The following OSTM1 variants were observed in gnomAD, a reference collection of about 807,000 sequenced individuals.
The protein encoded by OSTM1 is osteopetrosis-associated transmembrane protein 1.
Under a neutral mutation model 35.4 loss-of-function variants are expected in OSTM1, and 26 were observed. The ratio of observed to expected loss-of-function variants is 0.73; its 90% CI spans 0.54 to 1.02. The LOEUF is 1.02. OSTM1 is among the 50% of genes least tolerant of loss of function. OSTM1 has a pLI of 0.00. For missense variants in OSTM1, 366 were observed against 409.6 expected, an observed-to-expected ratio of 0.89 and a Z score of 0.92; for synonymous variants, 181 against 165.0, an observed-to-expected ratio of 1.10 and a Z score of -0.75.
chr6:108,052,770 CA>C (rs1222060124), intron 3 of OSTM1, among the ~76,000 whole-genome samples: 1 of 152,138 alleles, frequency 6.6e-6, no homozygotes, highest in Non-Finnish European at 1.5e-5. Flanking sequence ...TCCTTGTTTC[CA>C]AAGACTTTCT....
chr6:108,046,222 G>A (rs543715591), intron 5 of OSTM1, among the ~76,000 whole-genome samples: 45 of 136,970 alleles, frequency 3.3e-4, no homozygotes, highest in Non-Finnish European at 4.7e-4. Context: ...GGATTTCACC[G>A]TGTTAGCCAG....
At chr6:108,061,922 C>T (rs1415848504) in intron 2 of OSTM1, among the ~76,000 whole-genome samples, 2 of 152,082 alleles carry the variant, frequency 1.3e-5, no homozygotes, top group Non-Finnish European at 2.9e-5. Flanking sequence ...CTACAACATA[C>T]AGTAGTCAAC....
intron 5 of OSTM1, among the ~76,000 whole-genome samples, 185 bp downstream of exon 5, chr6:108,049,068 T>C (rs1397349733): frequency 6.6e-6 from 1 of 152,140 alleles, no homozygotes; most frequent in Admixed American, 6.5e-5. Flanking sequence ...AACTTTTTAT[T>C]GTCCACACTT....
intron 1 of OSTM1, among the ~76,000 whole-genome samples, chr6:108,065,998 G>A (rs1036462827): frequency 1.3e-5 from 2 of 152,134 alleles, no homozygotes; most frequent in African/African-American, 4.8e-5. Context: ...AAGAGGATTC[G>A]AAAATAGAAG....
At chr6:108,064,909 G>T (rs1362643279) in intron 1 of OSTM1, among the ~76,000 whole-genome samples, 1 of 152,170 alleles carries the variant, frequency 6.6e-6, no homozygotes, top group African/African-American at 2.4e-5. Flanking sequence ...TGGAAAAAAG[G>T]AGAAAAGAGG....
intron 2 of OSTM1, among the ~76,000 whole-genome samples, chr6:108,063,380 G>A (rs1027894480): frequency 3.9e-5 from 6 of 152,078 alleles, no homozygotes; most frequent in African/African-American, 1.4e-4. Context: ...AGCTCCTCCA[G>A]GAAGTCATTT....
intron 1 of OSTM1, among the ~76,000 whole-genome samples, chr6:108,072,700 T>G (rs1772506441): frequency 6.6e-6 from 1 of 151,980 alleles, no homozygotes; most frequent in South Asian, 2.1e-4. Context: ...ACCACAGAAT[T>G]TATTTAATGC....
At chr6:108,069,605 G>C (rs996608425) in intron 1 of OSTM1, among the ~76,000 whole-genome samples, 6 of 152,118 alleles carry the variant, frequency 3.9e-5, no homozygotes, top group African/African-American at 1.4e-4. Flanking sequence ...GGGGGCAAAA[G>C]CATCCTCAGG....
At chr6:108,052,435 A>G (rs1772093077) in intron 3 of OSTM1, among the ~76,000 whole-genome samples, 1 of 151,242 alleles carries the variant, frequency 6.6e-6, no homozygotes, top group Admixed American at 6.6e-5. Context: ...TCCGTCTCAA[A>G]AAAAAAAAAA....
At chr6:108,059,263 C>T (rs1772231703) in intron 2 of OSTM1, among the ~76,000 whole-genome samples, 1 of 152,190 alleles carries the variant, frequency 6.6e-6, no homozygotes, top group African/African-American at 2.4e-5. Context: ...CTTTAATATA[C>T]TCTCTTTACT....
At chr6:108,071,409 A>G (rs1772481317) in intron 1 of OSTM1, among the ~76,000 whole-genome samples, 1 of 150,054 alleles carries the variant, frequency 6.7e-6, no homozygotes, top group Non-Finnish European at 1.5e-5. Flanking sequence ...GGGTTCAAGC[A>G]ATTCTCCTGC....
chr6:108,057,939 C>T (rs1399001155), intron 2 of OSTM1, among the ~76,000 whole-genome samples: 1 of 151,522 alleles, frequency 6.6e-6, no homozygotes, highest in South Asian at 2.1e-4. Context: ...GTGAAGTGGT[C>T]ATTATGAATT....
In OSTM1 at chr6:108,042,316, T is replaced by TATCTGATG. The variant is rs1771881935; in HGVS notation, c.*2461_*2468dup. On this transcript the variant is annotated 3_prime_UTR_variant, in exon 6 of 6. Coordinates refer to ENST00000193322, the MANE Select transcript of OSTM1 (RefSeq NM_014028.4). ...AATTATAAAAAAAAAAGAAAAAATA[T>TATCTGATG]ATCTGATGTTATTTCTATCTCTCAA... 1 of 144,928 alleles carries TATCTGATG rather than the reference T, an allele frequency of 6.9e-6. No individual in the cohort carries two copies. Among genetic ancestry groups the TATCTGATG allele is most frequent in the South Asian group, 2.2e-4 (1 of 4,514 alleles). The allele number at this position is 144,928 out of a possible 1,614,324, so 9.0% of individuals were successfully genotyped here.
At chr6:108,062,066 T>C (rs1337094214) in intron 2 of OSTM1, among the ~76,000 whole-genome samples, 1 of 152,156 alleles carries the variant, frequency 6.6e-6, no homozygotes, top group Non-Finnish European at 1.5e-5. Context: ...ACCTTCTATA[T>C]ACTATGGTTT....
rs1771893775 is a variant in OSTM1, at chr6:108,042,698, C to A, written c.*2087G>T. ...AAGTGCTGCAAATACAGGTATGAGA[C>A]ACTGTGTCCAGCTGATGGTACTCAT... On this transcript the variant is annotated 3_prime_UTR_variant, in exon 6 of 6. Coordinates refer to ENST00000193322, the MANE Select transcript of OSTM1 (RefSeq NM_014028.4). 1 of 152,128 alleles carries A rather than the reference C, an allele frequency of 6.6e-6. No homozygotes were observed. Among genetic ancestry groups the A allele is most frequent in the Non-Finnish European group, 1.5e-5 (1 of 68,022 alleles). The allele number at this position is 152,128 out of a possible 1,614,324, so 9.4% of individuals were successfully genotyped here.
intron 5 of OSTM1, among the ~76,000 whole-genome samples, chr6:108,046,230 C>A (rs1397003968): frequency 1.4e-5 from 2 of 143,956 alleles, no homozygotes; most frequent in Admixed American, 7.1e-5. Context: ...CCGTGTTAGC[C>A]AGGACGGTCT....
chr6:108,070,147 C>A (rs1188063808), intron 1 of OSTM1, among the ~76,000 whole-genome samples: 1 of 152,120 alleles, frequency 6.6e-6, no homozygotes, highest in Non-Finnish European at 1.5e-5. Context: ...AAGTGATTCT[C>A]CCACCTCAGC....
intron 3 of OSTM1, among the ~76,000 whole-genome samples, chr6:108,052,512 T>A (rs1475437071): frequency 2.8e-5 from 2 of 70,790 alleles, no homozygotes; most frequent in Admixed American, 1.5e-4. Flanking sequence ...TAATTTAACC[T>A]TTTTTTTTTT....
rs538518376 is a variant in OSTM1 at position 108,074,126 on chromosome 6, G to C, written c.402+124C>G. On this transcript the variant is annotated intron_variant, in intron 1 of 5. Coordinates refer to ENST00000193322, the MANE Select transcript of OSTM1 (RefSeq NM_014028.4). ...CTTTTTCTGATGACCCAACTCTACAGACTCAGTCCAACCCCTTTTTCTTAC... is the reference window on the plus strand; with the variant it reads ...CTTTTTCTGATGACCCAACTCTACACACTCAGTCCAACCCCTTTTTCTTAC... The C allele has an allele frequency of 1.7e-4, 162 of 955,974 alleles. No homozygotes were observed. In the African/African-American group the frequency reaches 2.4e-3, roughly 14 times the overall value. 59.2% of individuals were successfully genotyped at this position (955,974 alleles called of 1,614,324 possible).
Sources: allele counts gnomAD v4.1 joint callset (sites outside exome capture counted in the v4.1 genomes callset), GRCh38; gene constraint gnomAD v4.1.1; transcripts MANE v1.5; gene names NCBI Gene and HGNC (gene_info 2026-07-23, HGNC 2026-07-21).